The following DDX10 variants were observed in gnomAD, a reference collection of about 807,000 sequenced individuals.
The protein encoded by DDX10 is DEAD-box helicase 10.
A neutral mutation model predicts 104.3 loss-of-function variants in DDX10; 74 were observed. That is an observed-to-expected ratio of 0.71 (90% confidence interval 0.59 to 0.86). The LOEUF (loss-of-function observed/expected upper bound fraction) is 0.86, where lower values mean the gene tolerates loss of function less well. Ranked by LOEUF, DDX10 falls within the 40% of genes least tolerant of loss-of-function variation. The pLI is 0.00. For missense variants in DDX10, 952 were observed against 1,040.0 expected (o/e 0.92, Z 1.16); for synonymous variants, 351 against 353.4 (o/e 0.99, Z 0.08).
chr11:108,758,845 T>C (rs1236117535), intron 13 of DDX10, among the ~76,000 whole-genome samples: 1 of 152,088 alleles, frequency 6.6e-6, no homozygotes, highest in African/African-American at 2.4e-5. Context: ...GTTTTTGCCA[T>C]GTAACTATAT....
intron 16 of DDX10, among the ~76,000 whole-genome samples, chr11:108,852,993 C>T (rs995395008): frequency 1.3e-5 from 2 of 151,966 alleles, no homozygotes; most frequent in African/African-American, 4.8e-5. Context: ...ATTTTTTTTC[C>T]ATGCTGGCCA....
At position 108,939,927 on chromosome 11, in the gene DDX10, A is replaced by G. The variant is rs1385820091; in HGVS notation, c.2451-319A>G. 5.9e-5 allele frequency among the ~76,000 whole-genome samples: 9 copies of G among 152,284 alleles called. No homozygotes were observed. The East Asian group carries it at 1.7e-3, about 30-fold the overall frequency. On this transcript the variant is annotated intron_variant, in intron 17 of 17. Transcript: ENST00000322536. ...AGAGGTAGTTTGGTGTGGCAGGACA[A>G]GCACACACTGGAGCGAGACATACCT...
intron 16 of DDX10, among the ~76,000 whole-genome samples, chr11:108,913,567 G>A (rs781465496): frequency 3.9e-5 from 6 of 152,048 alleles, no homozygotes; most frequent in Non-Finnish European, 5.9e-5. Flanking sequence ...AGCTTTTGTA[G>A]CTATCTTATT....
chr11:108,686,215 A>G (rs1443606621), intron 6 of DDX10, among the ~76,000 whole-genome samples: 3 of 152,100 alleles, frequency 2.0e-5, no homozygotes, highest in Admixed American at 6.5e-5. Context: ...ATGGTGGTGC[A>G]TTTGCTACAA....
chr11:108,793,376 C>G (rs1015283093), intron 13 of DDX10, among the ~76,000 whole-genome samples: 2 of 152,104 alleles, frequency 1.3e-5, no homozygotes, highest in African/African-American at 4.8e-5. Context: ...TAAACATTAC[C>G]GACAAGCTGG....
At chr11:108,679,335 A>G (rs1245961026) in intron 5 of DDX10, 36 bp from the exon 6 acceptor site, 1 of 1,535,348 alleles carries the variant, frequency 6.5e-7, no homozygotes. Flanking sequence ...TGTATATTTT[A>G]CATATGATAG....
intron 6 of DDX10, among the ~76,000 whole-genome samples, chr11:108,688,642 A>G (rs774944258): frequency 7.9e-5 from 12 of 152,222 alleles, no homozygotes; most frequent in South Asian, 2.1e-4. Flanking sequence ...CAGCCCAGCA[A>G]GTTCTCTTAC....
intron 13 of DDX10, among the ~76,000 whole-genome samples, chr11:108,781,819 C>T (rs114406482): frequency 5.9e-4 from 89 of 151,686 alleles, no homozygotes; most frequent in African/African-American, 2.1e-3. Flanking sequence ...ATAAAATTAG[C>T]GAGATAATGA....
intron 13 of DDX10, among the ~76,000 whole-genome samples, chr11:108,745,323 G>A (rs553182910): frequency 1.5e-4 from 22 of 149,984 alleles, no homozygotes; most frequent in African/African-American, 5.4e-4. Context: ...CGAGATCATG[G>A]CTCACTGCAG....
intron 17 of DDX10, among the ~76,000 whole-genome samples, chr11:108,924,701 C>G (rs936231273): frequency 1.3e-5 from 2 of 152,158 alleles, no homozygotes; most frequent in Admixed American, 6.5e-5. Context: ...TGTGACATCT[C>G]TTAAATAAGT....
intron 16 of DDX10, among the ~76,000 whole-genome samples, chr11:108,889,546 A>G (rs1207144505): frequency 6.6e-6 from 1 of 152,170 alleles, no homozygotes; most frequent in East Asian, 1.9e-4. Flanking sequence ...ACTTTTTATT[A>G]AGGAAACAAA....
chr11:108,806,101 A>G (rs1862096057), intron 13 of DDX10, among the ~76,000 whole-genome samples: 1 of 152,062 alleles, frequency 6.6e-6, no homozygotes, highest in African/African-American at 2.4e-5. Context: ...AGCTGGAATT[A>G]CAGGCGTCCA....
intron 12 of DDX10, among the ~76,000 whole-genome samples, chr11:108,720,244 A>G (rs1187507858): frequency 6.6e-6 from 1 of 152,222 alleles, no homozygotes; most frequent in Non-Finnish European, 1.5e-5. Flanking sequence ...ATTTGTAAGT[A>G]TAAATTCCTT....
At chr11:108,783,802 C>T (rs1019070351) in intron 13 of DDX10, among the ~76,000 whole-genome samples, 5 of 152,116 alleles carry the variant, frequency 3.3e-5, no homozygotes, top group South Asian at 2.1e-4. Context: ...CCAATAAGTG[C>T]ACGCCCCTTT....
intron 16 of DDX10, among the ~76,000 whole-genome samples, chr11:108,859,802 G>T (rs1352582489): frequency 6.6e-6 from 1 of 152,086 alleles, no homozygotes; most frequent in East Asian, 1.9e-4. Flanking sequence ...TGTGCCTGTG[G>T]GTATGTGTGG....
At chr11:108,692,832 T>TCCTG (rs2094254727) in intron 8 of DDX10, among the ~76,000 whole-genome samples, 2 of 152,188 alleles carry the variant, frequency 1.3e-5, no homozygotes, top group Admixed American at 6.5e-5. Flanking sequence ...CAAGTGATAC[T>TCCTG]CCCACCTCAG....
At chr11:108,872,495 T>G (rs1863096263) in intron 16 of DDX10, among the ~76,000 whole-genome samples, 1 of 152,204 alleles carries the variant, frequency 6.6e-6, no homozygotes, top group African/African-American at 2.4e-5. Flanking sequence ...ATAAAAAGTA[T>G]TTTAAGTTCC....
chr11:108,894,624 C>T (rs916990699), intron 16 of DDX10, among the ~76,000 whole-genome samples: 5 of 151,922 alleles, frequency 3.3e-5, no homozygotes, highest in South Asian at 2.1e-4. Flanking sequence ...CTTCTGTTGC[C>T]GAAGTGTCAT....
chr11:108,927,277 G>T (rs1005694110), intron 17 of DDX10, among the ~76,000 whole-genome samples: 1 of 152,188 alleles, frequency 6.6e-6, no homozygotes, highest in Non-Finnish European at 1.5e-5. Flanking sequence ...GTACAGTGAT[G>T]TCAATCCCCT....
Sources: gnomAD v4.1 joint callset for allele counts (sites outside exome capture counted in the v4.1 genomes callset) on GRCh38, gnomAD v4.1.1 for gene constraint, MANE v1.5 for transcripts, NCBI Gene and HGNC (gene_info 2026-07-23, HGNC 2026-07-21) for gene names.